Variants in MAGI3 observed in about 807,000 individuals in gnomAD.
The protein encoded by MAGI3 is membrane associated guanylate kinase, WW and PDZ domain containing 3.
A neutral mutation model predicts 121.8 loss-of-function variants in MAGI3; 43 were observed. That is an observed-to-expected ratio of 0.35 (90% CI 0.28 to 0.46). The LOEUF is 0.46. Ranked by LOEUF, MAGI3 falls within the 20% of genes least tolerant of loss-of-function variation. The pLI is 1.00. For synonymous variants in MAGI3, 553 were observed against 639.3 expected (o/e 0.86, Z 2.04); for missense variants, 1,547 against 1,797.3 (o/e 0.86, Z 2.52).
At chr1:113,399,470 C>G (rs1190440546) in intron 1 of MAGI3, among the ~76,000 whole-genome samples, 2 of 152,064 alleles carry the variant, frequency 1.3e-5, no homozygotes, top group Non-Finnish European at 2.9e-5. Context: ...TTTAATCTCT[C>G]TTACTTGGAG....
chr1:113,594,658 A>G lies in MAGI3; in HGVS notation c.1018+98A>G, dbSNP rs991998781. The G allele has an allele frequency of 4.2e-5, 39 of 932,118 alleles. 1 individual carries two copies. Among genetic ancestry groups the G allele is most frequent in the East Asian group, 3.2e-4 (12 of 38,064 alleles). 57.7% of individuals were successfully genotyped at this position (932,118 alleles called of 1,614,324 possible). A position where few individuals can be genotyped will look rare whatever the true frequency, so the allele number is the denominator to read the frequency against. On this transcript the variant is annotated intron_variant, in intron 6 of 20. Transcript: ENST00000307546. The stretch of plus-strand genomic sequence containing the variant: ...GGTTTTTCAAAACCCTAAACAAACC[A>G]TAATGTACACAAGCAAAAAAGCAGT...
intron 6 of MAGI3, among the ~76,000 whole-genome samples, chr1:113,602,782 C>G (rs189393735): frequency 1.5e-3 from 221 of 152,020 alleles, no homozygotes; most frequent in African/African-American, 5.2e-3. Context: ...ACAAATTAAC[C>G]AGGTATGGTG....
At chr1:113,629,763 C>CTCCCCCT (rs143631602) in intron 9 of MAGI3, among the ~76,000 whole-genome samples, 1 of 45,174 alleles carries the variant, frequency 2.2e-5, no homozygotes, top group Non-Finnish European at 4.6e-5. Context: ...TCTCTCTCTC[C>CTCCCCCT]CTCCCTCCCT....
At chr1:113,621,159 A>T (rs2101786718) in intron 8 of MAGI3, among the ~76,000 whole-genome samples, 1 of 152,346 alleles carries the variant, frequency 6.6e-6, no homozygotes, top group South Asian at 2.1e-4. Flanking sequence ...AAGAAAGCAT[A>T]CCAAGTAGAA....
At chr1:113,640,160 C>T (rs1421930901) in intron 9 of MAGI3, among the ~76,000 whole-genome samples, 1 of 151,506 alleles carries the variant, frequency 6.6e-6, no homozygotes, top group Non-Finnish European at 1.5e-5. Context: ...TAAAGAAATG[C>T]AAATCAAAAT....
chr1:113,473,040 T>G (rs937568851), intron 1 of MAGI3, among the ~76,000 whole-genome samples: 2 of 152,222 alleles, frequency 1.3e-5, no homozygotes, highest in Admixed American at 6.5e-5. Flanking sequence ...TTATAGTAAC[T>G]TTTTAAAATT....
chr1:113,523,369 A>G (rs1658294730), intron 1 of MAGI3, among the ~76,000 whole-genome samples: 1 of 152,202 alleles, frequency 6.6e-6, no homozygotes, highest in South Asian at 2.1e-4. Context: ...AACAGTTTGG[A>G]GAGCTCAGAA....
At chr1:113,534,471 G>T (rs1658872125) in intron 1 of MAGI3, among the ~76,000 whole-genome samples, 1 of 152,028 alleles carries the variant, frequency 6.6e-6, no homozygotes, top group South Asian at 2.1e-4. Context: ...TGCCTGGAAT[G>T]CCCACTGTGC....
At chr1:113,646,700 T>G (rs1652873141) in intron 12 of MAGI3, 58 bp downstream of exon 12, 1 of 1,337,800 alleles carries the variant, frequency 7.5e-7, no homozygotes, top group Admixed American at 2.4e-5. Context: ...TGGATTTATT[T>G]TAGACTAGGA....
At chr1:113,470,194 C>T (rs571445148) in intron 1 of MAGI3, among the ~76,000 whole-genome samples, 35 of 151,582 alleles carry the variant, frequency 2.3e-4, no homozygotes, top group African/African-American at 8.5e-4. Context: ...CTCTTGCTTG[C>T]TCAGTCTGAG....
At chr1:113,531,786 C>T (rs914992305) in intron 1 of MAGI3, among the ~76,000 whole-genome samples, 1 of 152,076 alleles carries the variant, frequency 6.6e-6, no homozygotes, top group Non-Finnish European at 1.5e-5. Context: ...CAACATGATA[C>T]ACAACAGAAA....
chr1:113,602,244 A>AC (rs894148952), intron 6 of MAGI3, among the ~76,000 whole-genome samples: 1 of 152,092 alleles, frequency 6.6e-6, no homozygotes, highest in Non-Finnish European at 1.5e-5. Flanking sequence ...TATAAAAAAA[A>AC]CTCAAAATCA....
chr1:113,440,776 G>T (rs1319937148), intron 1 of MAGI3, among the ~76,000 whole-genome samples: 1 of 152,118 alleles, frequency 6.6e-6, no homozygotes, highest in Non-Finnish European at 1.5e-5. Flanking sequence ...ACCATTGCAA[G>T]GTATGCTTAT....
At chr1:113,494,671 C>G (rs144947855) in intron 1 of MAGI3, among the ~76,000 whole-genome samples, 1 of 152,096 alleles carries the variant, frequency 6.6e-6, no homozygotes, top group African/African-American at 2.4e-5. Flanking sequence ...TAAAAGGTAG[C>G]ATTCATAAGT....
intron 1 of MAGI3, among the ~76,000 whole-genome samples, chr1:113,443,119 C>T (rs1283842730): frequency 3.3e-5 from 5 of 152,130 alleles, no homozygotes; most frequent in Middle Eastern, 3.4e-3. Context: ...CAAATTAAAA[C>T]GAATTATTCT....
At chr1:113,562,963 A>C (rs1438509972) in intron 2 of MAGI3, among the ~76,000 whole-genome samples, 1 of 152,174 alleles carries the variant, frequency 6.6e-6, no homozygotes, top group Non-Finnish European at 1.5e-5. Context: ...ACATTTCCCA[A>C]CTCATTCTGT....
intron 6 of MAGI3, among the ~76,000 whole-genome samples, chr1:113,611,259 G>A (rs1570939412): frequency 6.6e-6 from 1 of 151,760 alleles, no homozygotes; most frequent in East Asian, 1.9e-4. Context: ...GCTAATTTTT[G>A]TATTTTTAGT....
intron 2 of MAGI3, among the ~76,000 whole-genome samples, chr1:113,579,399 T>C (rs1647866866): frequency 6.6e-6 from 1 of 152,104 alleles, no homozygotes; most frequent in Non-Finnish European, 1.5e-5. Context: ...GAAAAATATA[T>C]GTAGTATACT....
chr1:113,651,228 C>G (rs755511864), intron 14 of MAGI3, 22 bp downstream of exon 14: 7 of 1,574,380 alleles, frequency 4.4e-6, no homozygotes, highest in Admixed American at 4.1e-5. Flanking sequence ...TGTTCCTGCT[C>G]TGAAAAGTTA....
Sources: allele counts gnomAD v4.1 joint callset (sites outside exome capture counted in the v4.1 genomes callset), GRCh38; gene constraint gnomAD v4.1.1; transcripts MANE v1.5; gene names NCBI Gene and HGNC (gene_info 2026-07-23, HGNC 2026-07-21).